Variants in PTPRT observed in about 807,000 individuals in gnomAD.
PTPRT encodes protein tyrosine phosphatase receptor type T.
In PTPRT, 56 loss-of-function variants were observed where a neutral mutation model predicts 176.8. That is an observed-to-expected ratio of 0.32 (90% CI 0.26 to 0.40). PTPRT has a LOEUF of 0.40. Among genes scored for constraint, PTPRT ranks in the 10% least tolerant of loss-of-function variants. The probability of loss-of-function intolerance (pLI) is 1.00; values close to 1 mark genes in which losing one functional copy is unlikely to be tolerated. For missense variants in PTPRT, 1,540 were observed against 1,908.2 expected, an observed-to-expected ratio of 0.81 and a Z score of 3.60; for synonymous variants, 783 against 739.0, an observed-to-expected ratio of 1.06 and a Z score of -0.96.
chr20:42,798,012 C>T (rs759376069), intron 2 of PTPRT, among the ~76,000 whole-genome samples: 7 of 152,190 alleles, frequency 4.6e-5, no homozygotes, highest in South Asian at 4.1e-4. Flanking sequence ...TGTGGGGTTT[C>T]GGCCACTAAA....
rs140392712 is a variant in PTPRT at position 43,085,889 on chromosome 20, C to T, written c.88+103757G>A. 1.6e-4 allele frequency among the ~76,000 whole-genome samples: 25 copies of T among 152,194 alleles called. No individual in the cohort carries two copies. In the East Asian group the frequency reaches 2.9e-3, roughly 18 times the overall value. On this transcript the variant is annotated intron_variant, in intron 1 of 30. Coordinates refer to ENST00000373187, the MANE Select transcript of PTPRT (RefSeq NM_007050.6). The stretch of plus-strand genomic sequence containing the variant: ...CAAACACTCTACCCAAAGTACAGAG[C>T]GCTAAGGATCCTAAGGGACAAACAC...
intron 6 of PTPRT, among the ~76,000 whole-genome samples, chr20:42,731,207 T>C (rs1726203056): frequency 6.6e-6 from 1 of 152,186 alleles, no homozygotes; most frequent in Non-Finnish European, 1.5e-5. Flanking sequence ...AGCTGCAAGA[T>C]TTCCACCCTG....
chr20:42,985,530 CAACAG>C (rs1026396423), intron 1 of PTPRT, among the ~76,000 whole-genome samples: 4 of 151,984 alleles, frequency 2.6e-5, no homozygotes, highest in Non-Finnish European at 4.4e-5. Flanking sequence ...ATACAGTGGC[CAACAG>C]AACAGAACAG....
chr20:43,042,456 G>A (rs1986646504), intron 1 of PTPRT, among the ~76,000 whole-genome samples: 2 of 152,090 alleles, frequency 1.3e-5, no homozygotes, highest in Admixed American at 6.6e-5. Context: ...GGGCTCCTGG[G>A]GATAGCAGAT....
At chr20:42,362,382 C>T (rs1309777307) in intron 9 of PTPRT, among the ~76,000 whole-genome samples, 2 of 151,506 alleles carry the variant, frequency 1.3e-5, no homozygotes, top group African/African-American at 2.4e-5. Context: ...TGCATAATCT[C>T]GATCTAATCG....
At chr20:42,989,653 T>A (rs1983782076) in intron 1 of PTPRT, among the ~76,000 whole-genome samples, 2 of 152,234 alleles carry the variant, frequency 1.3e-5, no homozygotes, top group South Asian at 4.1e-4. Context: ...AATGTTTTCA[T>A]TCCCAAACAC....
At chr20:42,301,054 C>A (rs6065460) in intron 12 of PTPRT, among the ~76,000 whole-genome samples, 16,543 of 151,850 alleles carry the variant, frequency 0.11, 935 homozygotes, top group African/African-American at 0.13. Context: ...TCAGCAAATG[C>A]TAAAAGATGA....
At chr20:42,710,185 G>A (rs1435877290) in intron 6 of PTPRT, among the ~76,000 whole-genome samples, 1 of 152,146 alleles carries the variant, frequency 6.6e-6, no homozygotes, top group Non-Finnish European at 1.5e-5. Context: ...TTCAGAAGAG[G>A]AATTCAAGTG....
intron 1 of PTPRT, among the ~76,000 whole-genome samples, chr20:43,175,375 T>C (rs756061154): frequency 3.3e-5 from 5 of 152,228 alleles, no homozygotes; most frequent in Non-Finnish European, 1.5e-5. Flanking sequence ...GCCTTCCATA[T>C]AGAAAATAAA....
chr20:42,107,378 G>A lies in PTPRT; in HGVS notation c.3255-457C>T, dbSNP rs117940874. Among the ~76,000 whole-genome samples the A allele has an allele frequency of 4.6e-3, 708 of 152,284 alleles. 2 individuals are homozygous for A. Among genetic ancestry groups the A allele is most frequent in the South Asian group, 0.018 (85 of 4,814 alleles). ...TGGTGGAGCACCACGTTCAAAGGCC[G>A]GCATCTGGCTCCACCTGCAGCTGTT... is the stretch of plus-strand genomic sequence containing the variant. On this transcript the variant is annotated intron_variant, in intron 23 of 30. Transcript: ENST00000373187.
intron 5 of PTPRT, among the ~76,000 whole-genome samples, chr20:42,762,686 G>A (rs1178676277): frequency 6.6e-6 from 1 of 152,212 alleles, no homozygotes; most frequent in African/African-American, 2.4e-5. Flanking sequence ...TGCATATCAA[G>A]CTACATATCT....
chr20:42,488,355 G>A (rs1389019114), intron 7 of PTPRT, among the ~76,000 whole-genome samples: 1 of 152,128 alleles, frequency 6.6e-6, no homozygotes, highest in Non-Finnish European at 1.5e-5. Flanking sequence ...AAAACTTTTA[G>A]CTGTATGTAA....
intron 1 of PTPRT, among the ~76,000 whole-genome samples, chr20:43,155,832 C>T (rs1252708138): frequency 6.6e-6 from 1 of 152,050 alleles, no homozygotes; most frequent in Non-Finnish European, 1.5e-5. Flanking sequence ...AGAAATAAAA[C>T]ATTAAAATAA....
At position 42,848,994 on chromosome 20, in the gene PTPRT, G is replaced by A. The variant is rs140306208; in HGVS notation, c.214+36813C>T. 9.7e-3 allele frequency among the ~76,000 whole-genome samples: 1,473 copies of A among 152,238 alleles called. 22 individuals carry two copies. The highest frequency in any genetic ancestry group is 0.034 in the African/African-American group (1,417 of 41,526). ...CCATTGTGAGTTGATTTTTGTATAAGGTGAGAGATGAGGATCCAGTTTCAT... is the reference window on the plus strand; with the variant it reads ...CCATTGTGAGTTGATTTTTGTATAAAGTGAGAGATGAGGATCCAGTTTCAT... On this transcript the variant is annotated intron_variant, in intron 2 of 30. Coordinates refer to ENST00000373187, the MANE Select transcript of PTPRT (RefSeq NM_007050.6).
At chr20:42,382,226 G>A (rs190935715) in intron 9 of PTPRT, among the ~76,000 whole-genome samples, 111 of 152,286 alleles carry the variant, frequency 7.3e-4, no homozygotes, top group Non-Finnish European at 1.5e-4. Context: ...ACATACAATG[G>A]CATCTATAGA....
At chr20:43,187,481 A>G (rs2015424217) in intron 1 of PTPRT, among the ~76,000 whole-genome samples, 2 of 151,928 alleles carry the variant, frequency 1.3e-5, no homozygotes, top group Admixed American at 1.3e-4. Flanking sequence ...CTGGGGAAAA[A>G]AAATCTAATT....
Position 42,877,958 on chromosome 20 carries a change from C to G in PTPRT, c.214+7849G>C, listed in dbSNP as rs149943019. Among the ~76,000 whole-genome samples, 654 of 152,328 alleles carry G rather than the reference C, an allele frequency of 4.3e-3. 6 individuals carry two copies. Among genetic ancestry groups the G allele is most frequent in the African/African-American group, 0.015 (617 of 41,570 alleles). On this transcript the variant is annotated intron_variant, in intron 2 of 30. Coordinates refer to ENST00000373187, the MANE Select transcript of PTPRT (RefSeq NM_007050.6). ...TGCTTCAGAATTTGCAAAGCATTTT[C>G]CCAACCATCAAGTCATGGGCAAATG...
intron 7 of PTPRT, among the ~76,000 whole-genome samples, chr20:42,495,984 G>A (rs990471213): frequency 1.3e-5 from 2 of 152,070 alleles, no homozygotes; most frequent in African/African-American, 4.8e-5. Context: ...AACATGAACA[G>A]TTGGTTAAAA....
chr20:42,498,433 A>G (rs2071692437), intron 7 of PTPRT, among the ~76,000 whole-genome samples: 1 of 152,166 alleles, frequency 6.6e-6, no homozygotes, highest in African/African-American at 2.4e-5. Flanking sequence ...ATAAGACACC[A>G]AATTCCAACC....
Sources: gnomAD v4.1 joint callset for allele counts (sites outside exome capture counted in the v4.1 genomes callset) on GRCh38, gnomAD v4.1.1 for gene constraint, MANE v1.5 for transcripts, NCBI Gene and HGNC (gene_info 2026-07-23, HGNC 2026-07-21) for gene names.